CNTNAP2: variants seen among roughly 807,000 people sequenced by gnomAD.
CNTNAP2 encodes contactin-associated protein-like 2.
A neutral mutation model predicts 155.2 loss-of-function variants in CNTNAP2; 98 were observed. The ratio of observed to expected loss-of-function variants is 0.63; its 90% CI spans 0.54 to 0.75. The LOEUF is 0.75. Among genes scored for constraint, CNTNAP2 ranks in the 30% least tolerant of loss-of-function variants. CNTNAP2 has a pLI of 0.00. For missense variants in CNTNAP2, 1,727 were observed against 1,688.1 expected (o/e 1.02, Z -0.40); for synonymous variants, 651 against 631.2 (o/e 1.03, Z -0.47).
intron 1 of CNTNAP2, among the ~76,000 whole-genome samples, chr7:146,223,828 TTA>T (rs1799247588): frequency 6.6e-6 from 1 of 152,238 alleles, no homozygotes; most frequent in African/African-American, 2.4e-5. Flanking sequence ...AAAGAGGTTA[TTA>T]CCAAGTGGTG....
At chr7:148,011,648 T>C (rs1462151466) in intron 15 of CNTNAP2, among the ~76,000 whole-genome samples, 1 of 152,200 alleles carries the variant, frequency 6.6e-6, no homozygotes, top group East Asian at 1.9e-4. Flanking sequence ...CAACAGGATT[T>C]GGATTTGCTT....
At chr7:146,473,587 T>G (rs1365166592) in intron 1 of CNTNAP2, among the ~76,000 whole-genome samples, 1 of 152,192 alleles carries the variant, frequency 6.6e-6, no homozygotes, top group African/African-American at 2.4e-5. Flanking sequence ...ATATTGTGGT[T>G]TACTGAAGAA....
At chr7:147,660,625 T>A (rs191670061) in intron 13 of CNTNAP2, among the ~76,000 whole-genome samples, 110 of 152,332 alleles carry the variant, frequency 7.2e-4, no homozygotes, top group Non-Finnish European at 1.4e-3. Context: ...GGCCATTCAC[T>A]CATTCATTCT....
In CNTNAP2 at chr7:147,382,494, G is replaced by T. The variant is rs1056545082; in HGVS notation, c.1499-13115G>T. Among the ~76,000 whole-genome samples the T allele has an allele frequency of 2.0e-5, 3 of 152,300 alleles. No individual in the cohort carries two copies. In the South Asian group the frequency reaches 6.2e-4, roughly 32 times the overall value. ...ATAAACTGAAGCTAAGACTTTTTGA[G>T]TGACCAGTGATATAGAGACAATGAC... On this transcript the variant is annotated intron_variant, in intron 9 of 23. Coordinates refer to ENST00000361727, the MANE Select transcript of CNTNAP2 (RefSeq NM_014141.6).
intron 2 of CNTNAP2, among the ~76,000 whole-genome samples, chr7:146,803,676 T>A (rs896452161): frequency 2.6e-5 from 4 of 152,220 alleles, no homozygotes; most frequent in Non-Finnish European, 4.4e-5. Flanking sequence ...ATGCATATAA[T>A]TTTAAAGATA....
chr7:147,057,646 C>G (rs1469934414), intron 4 of CNTNAP2, among the ~76,000 whole-genome samples: 2 of 152,106 alleles, frequency 1.3e-5, no homozygotes, highest in African/African-American at 4.8e-5. Context: ...TTGTGACAAC[C>G]AAAATTAACC....
chr7:147,657,800 G>A (rs1022636581), intron 13 of CNTNAP2, among the ~76,000 whole-genome samples: 1 of 152,216 alleles, frequency 6.6e-6, no homozygotes, highest in Non-Finnish European at 1.5e-5. Flanking sequence ...AAAGGATTTA[G>A]CAGAGATTTT....
chr7:147,179,224 A>G (rs1496543), intron 8 of CNTNAP2, among the ~76,000 whole-genome samples: 93,246 of 152,058 alleles, frequency 0.61, 28,952 homozygotes, highest in South Asian at 0.71. Context: ...TAACAGCAAA[A>G]GGTTCTTCAA....
intron 1 of CNTNAP2, among the ~76,000 whole-genome samples, chr7:146,750,242 T>C (rs925432132): frequency 6.6e-6 from 1 of 152,114 alleles, no homozygotes; most frequent in Non-Finnish European, 1.5e-5. Context: ...TGTTCTCCTA[T>C]TTGAGAGTTT....
intron 10 of CNTNAP2, among the ~76,000 whole-genome samples, chr7:147,435,708 C>A (rs1194880459): frequency 6.6e-6 from 1 of 152,118 alleles, no homozygotes; most frequent in Non-Finnish European, 1.5e-5. Context: ...GAGCTCCTTC[C>A]TAGGTTATCA....
At chr7:147,096,893 C>T (rs1286406985) in intron 4 of CNTNAP2, among the ~76,000 whole-genome samples, 2 of 152,124 alleles carry the variant, frequency 1.3e-5, no homozygotes, top group Non-Finnish European at 1.5e-5. Flanking sequence ...TAGTGTTTTA[C>T]CAGACAGGAC....
At chr7:147,267,757 C>A (rs998541991) in intron 8 of CNTNAP2, among the ~76,000 whole-genome samples, 1 of 152,242 alleles carries the variant, frequency 6.6e-6, no homozygotes, top group Non-Finnish European at 1.5e-5. Flanking sequence ...TCATAGTACT[C>A]TCATAAAACT....
intron 1 of CNTNAP2, among the ~76,000 whole-genome samples, chr7:146,634,606 A>T (rs779771994): frequency 6.6e-6 from 1 of 152,206 alleles, no homozygotes; most frequent in Non-Finnish European, 1.5e-5. Flanking sequence ...ATTCATGAAT[A>T]TGTTAATGAG....
intron 1 of CNTNAP2, among the ~76,000 whole-genome samples, chr7:146,507,580 T>A (rs1797403563): frequency 6.6e-6 from 1 of 152,154 alleles, no homozygotes; most frequent in African/African-American, 2.4e-5. Context: ...ATTATTGTGG[T>A]CTGGGGATAT....
intron 8 of CNTNAP2, among the ~76,000 whole-genome samples, chr7:147,264,537 C>G (rs955669214): frequency 1.5e-4 from 23 of 150,796 alleles, no homozygotes; most frequent in African/African-American, 4.6e-4. Flanking sequence ...CTGGTCCCTG[C>G]GGGCCTGTGC....
At position 147,736,614 on chromosome 7, in the gene CNTNAP2, T is replaced by C. The variant is rs192261089; in HGVS notation, c.2098+97308T>C. On this transcript the variant is annotated intron_variant, in intron 13 of 23. Transcript: ENST00000361727. Reference sequence around the variant, plus strand: ...TTCTCCTGAATAATATTCTGCAGAGTGTTTTCCAACTTGGTTCCATTCTTC... The same window carrying C: ...TTCTCCTGAATAATATTCTGCAGAGCGTTTTCCAACTTGGTTCCATTCTTC... Among the ~76,000 whole-genome samples, 1,013 of 152,316 alleles carry C rather than the reference T, an allele frequency of 6.7e-3. 11 individuals are homozygous for C. Among genetic ancestry groups the C allele is most frequent in the African/African-American group, 0.023 (968 of 41,558 alleles).
chr7:146,320,504 A>C lies in CNTNAP2; in HGVS notation c.97+203531A>C, dbSNP rs566237787. 3.9e-5 allele frequency among the ~76,000 whole-genome samples: 6 copies of C among 152,258 alleles called. No homozygotes were observed. The South Asian group carries it at 1.2e-3, about 32-fold the overall frequency. The stretch of plus-strand genomic sequence containing the variant: ...TAGTACCTCTTGAAATGTTTCATTT[A>C]TTTTCATGTTACGGTTACAATGTGA... On this transcript the variant is annotated intron_variant, in intron 1 of 23. Transcript: ENST00000361727.
intron 10 of CNTNAP2, among the ~76,000 whole-genome samples, chr7:147,464,389 C>T (rs1554487976): frequency 8.6e-5 from 13 of 151,164 alleles, no homozygotes; most frequent in Non-Finnish European, 1.5e-5. Flanking sequence ...ATTGCTTGAA[C>T]CCGGGAGGTG....
rs1803947666 is a variant in CNTNAP2 at position 148,095,564 on chromosome 7, C to T, written c.2384-22554C>T. Among the ~76,000 whole-genome samples, 4 of 152,314 alleles carry T rather than the reference C, an allele frequency of 2.6e-5. No individual in the cohort carries two copies. The South Asian group carries it at 8.3e-4, about 32-fold the overall frequency. Reference sequence around the variant, plus strand: ...ATCCTAATGAAAAAGAACTGCAAGACTGAGTGATTGGAAATAGCTAGGGTT... The same window carrying T: ...ATCCTAATGAAAAAGAACTGCAAGATTGAGTGATTGGAAATAGCTAGGGTT... On this transcript the variant is annotated intron_variant, in intron 15 of 23. Coordinates refer to ENST00000361727, the MANE Select transcript of CNTNAP2 (RefSeq NM_014141.6).
Sources: allele counts gnomAD v4.1 joint callset (sites outside exome capture counted in the v4.1 genomes callset), GRCh38; gene constraint gnomAD v4.1.1; transcripts MANE v1.5; gene names NCBI Gene and HGNC (gene_info 2026-07-23, HGNC 2026-07-21).